The following CTNND2 variants were observed in gnomAD, a reference collection of about 807,000 sequenced individuals.
CTNND2 encodes catenin delta-2.
A neutral mutation model predicts 144.4 loss-of-function variants in CTNND2; 22 were observed. The observed-to-expected ratio is 0.15, with a 90% CI of 0.11 to 0.22. The LOEUF is 0.22. Among genes scored for constraint, CTNND2 ranks in the 10% least tolerant of loss-of-function variants. The pLI is 1.00. For synonymous variants in CTNND2, 751 were observed against 695.6 expected, an observed-to-expected ratio of 1.08 and a Z score of -1.25; for missense variants, 1,353 against 1,618.8, an observed-to-expected ratio of 0.84 and a Z score of 2.82.
chr5:11,539,048 G>A (rs1057420844), intron 3 of CTNND2, among the ~76,000 whole-genome samples: 1 of 152,080 alleles, frequency 6.6e-6, no homozygotes, highest in African/African-American at 2.4e-5. Context: ...TTGCTCCCCA[G>A]ATGCATGGTG....
Position 11,129,846 on chromosome 5 carries a change from C to T in CTNND2, c.2160-12279G>A, listed in dbSNP as rs149999636. On this transcript the variant is annotated intron_variant, in intron 12 of 21. Coordinates refer to ENST00000304623, the MANE Select transcript of CTNND2 (RefSeq NM_001332.4). Reference sequence around the variant, plus strand: ...TTATGTGAAGCACCAACCATAAGTACCAGGCAGTATTACCCGCATTAGGAT... The same window carrying T: ...TTATGTGAAGCACCAACCATAAGTATCAGGCAGTATTACCCGCATTAGGAT... Among the ~76,000 whole-genome samples, 1,229 of 152,122 alleles carry T rather than the reference C, an allele frequency of 8.1e-3. 21 individuals carry two copies. Among genetic ancestry groups the T allele is most frequent in the African/African-American group, 0.029 (1,193 of 41,494 alleles).
At chr5:11,727,664 A>G (rs1374406517) in intron 2 of CTNND2, among the ~76,000 whole-genome samples, 1 of 152,190 alleles carries the variant, frequency 6.6e-6, no homozygotes, top group Non-Finnish European at 1.5e-5. Context: ...CTCTGACTAA[A>G]CGAATATAAA....
At chr5:11,734,655 A>C (rs761485753) in intron 1 of CTNND2, among the ~76,000 whole-genome samples, 1 of 152,204 alleles carries the variant, frequency 6.6e-6, no homozygotes, top group African/African-American at 2.4e-5. Flanking sequence ...GGGTTGTGTA[A>C]ATATTAAAAG....
intron 12 of CTNND2, among the ~76,000 whole-genome samples, chr5:11,127,580 G>A (rs530062309): frequency 2.0e-5 from 3 of 152,304 alleles, no homozygotes; most frequent in African/African-American, 7.2e-5. Context: ...GAAACCCAAT[G>A]GCATTGGCTG....
chr5:11,828,784 T>C (rs893234042), intron 1 of CTNND2, among the ~76,000 whole-genome samples: 3 of 152,252 alleles, frequency 2.0e-5, no homozygotes, highest in Non-Finnish European at 4.4e-5. Flanking sequence ...TGTGAAAATG[T>C]GGAAGTGACT....
At chr5:11,135,008 G>A (rs370262479) in intron 12 of CTNND2, among the ~76,000 whole-genome samples, 1 of 152,166 alleles carries the variant, frequency 6.6e-6, no homozygotes, top group African/African-American at 2.4e-5. Flanking sequence ...TATCTTCACT[G>A]CGCTAAGTGC....
chr5:11,203,496 G>T (rs1737714138), intron 10 of CTNND2, among the ~76,000 whole-genome samples: 1 of 152,148 alleles, frequency 6.6e-6, no homozygotes, highest in Admixed American at 6.5e-5. Context: ...AGGCTGGAGT[G>T]CAGTGGCGCG....
chr5:11,739,940 T>C (rs531514674), intron 1 of CTNND2, among the ~76,000 whole-genome samples: 5 of 152,250 alleles, frequency 3.3e-5, no homozygotes, highest in South Asian at 2.1e-4. Context: ...CCATTCACAA[T>C]TGCTTCAAAG....
chr5:11,126,030 A>G (rs6866264), intron 12 of CTNND2, among the ~76,000 whole-genome samples: 26,894 of 152,198 alleles, frequency 0.18, 4,096 homozygotes, highest in East Asian at 0.45. Flanking sequence ...GGCTGGGCAC[A>G]GTGGCTCACA....
intron 1 of CTNND2, among the ~76,000 whole-genome samples, chr5:11,849,615 T>G (rs976685085): frequency 1.3e-5 from 2 of 152,182 alleles, no homozygotes; most frequent in African/African-American, 4.8e-5. Context: ...GTGAGCACAC[T>G]GCCCTTAACT....
chr5:11,500,927 T>C (rs1056685623), intron 3 of CTNND2, among the ~76,000 whole-genome samples: 26 of 152,226 alleles, frequency 1.7e-4, no homozygotes, highest in Non-Finnish European at 2.4e-4. Flanking sequence ...GATGTAAAGA[T>C]TGCATTAGCC....
chr5:11,228,581 G>T (rs897237763), intron 10 of CTNND2, among the ~76,000 whole-genome samples: 3 of 151,404 alleles, frequency 2.0e-5, no homozygotes, highest in Admixed American at 6.6e-5. Flanking sequence ...GTCCTCCCAG[G>T]CTCAAGAGAT....
chr5:11,722,666 G>T (rs1477007807), intron 2 of CTNND2, among the ~76,000 whole-genome samples: 1 of 152,168 alleles, frequency 6.6e-6, no homozygotes, highest in African/African-American at 2.4e-5. Flanking sequence ...AATGACCAAA[G>T]GTGGGGGCGG....
At chr5:11,797,605 T>C (rs1334939084) in intron 1 of CTNND2, among the ~76,000 whole-genome samples, 4 of 152,232 alleles carry the variant, frequency 2.6e-5, no homozygotes, top group Non-Finnish European at 5.9e-5. Context: ...ACTTGAATAA[T>C]TTAAATATAA....
chr5:11,036,387 C>T (rs867449770), intron 16 of CTNND2, among the ~76,000 whole-genome samples: 1 of 152,230 alleles, frequency 6.6e-6, no homozygotes, highest in South Asian at 2.1e-4. Flanking sequence ...TTTGAAATTG[C>T]CTTCCACAAA....
At chr5:11,174,400 G>A (rs1323413154) in intron 11 of CTNND2, among the ~76,000 whole-genome samples, 1 of 152,118 alleles carries the variant, frequency 6.6e-6, no homozygotes, top group African/African-American at 2.4e-5. Flanking sequence ...AAGGTAATTT[G>A]GTATAAAGAA....
chr5:11,493,666 G>T (rs1769665935), intron 3 of CTNND2, among the ~76,000 whole-genome samples: 1 of 152,174 alleles, frequency 6.6e-6, no homozygotes, highest in African/African-American at 2.4e-5. Flanking sequence ...GACAAGAGCT[G>T]TTGCCTTACT....
intron 5 of CTNND2, among the ~76,000 whole-genome samples, chr5:11,399,753 G>C (rs1042192623): frequency 2.6e-5 from 4 of 152,186 alleles, no homozygotes; most frequent in Middle Eastern, 3.2e-3. Context: ...CTGAAAACTA[G>C]ATGTACTCTG....
chr5:11,353,455 TG>T (rs529425728), intron 8 of CTNND2, among the ~76,000 whole-genome samples: 1 of 152,224 alleles, frequency 6.6e-6, no homozygotes, highest in South Asian at 2.1e-4. Flanking sequence ...TAAAATTTAA[TG>T]TGATATAGAG....
Sources: allele counts gnomAD v4.1 joint callset (sites outside exome capture counted in the v4.1 genomes callset), GRCh38; gene constraint gnomAD v4.1.1; transcripts MANE v1.5; gene names NCBI Gene and HGNC (gene_info 2026-07-23, HGNC 2026-07-21).